The following RELL1 variants were observed in gnomAD, a reference collection of about 807,000 sequenced individuals.
RELL1 encodes RELT-like protein 1.
In RELL1, 10 loss-of-function variants were observed where a neutral mutation model predicts 23.0. The observed-to-expected ratio is 0.43, with a 90% CI of 0.27 to 0.74. The LOEUF (loss-of-function observed/expected upper bound fraction) is 0.74, where lower values mean the gene tolerates loss of function less well. RELL1 is among the 30% of genes least tolerant of loss of function. The pLI, the probability that RELL1 is intolerant of heterozygous loss-of-function variation, is 0.19. For missense variants in RELL1, 315 were observed against 364.4 expected, an observed-to-expected ratio of 0.86 and a Z score of 1.10; for synonymous variants, 146 against 146.8, an observed-to-expected ratio of 0.99 and a Z score of 0.04.
At position 37,591,218 on chromosome 4, in the gene RELL1, C is replaced by G. The variant is rs1417540641; in HGVS notation, c.*4-1G>C. On this transcript the variant is annotated splice_acceptor_variant, in intron 6 of 6. Coordinates refer to the RELL1 transcript ENST00000314117. LOFTEE classifies it low-confidence loss of function (3UTR_SPLICE). ...TGTAGATGAGCTGTCATTCAGGACA[C>G]TAGGAGAAAAATCTGAGTGGGTCAT... 5 of 454,994 alleles carry G rather than the reference C, an allele frequency of 1.1e-5. No homozygotes were observed. The highest frequency in any genetic ancestry group is 1.9e-5 in the Non-Finnish European group (5 of 257,442). 28.2% of individuals were successfully genotyped at this position (454,994 alleles called of 1,614,324 possible).
rs978165271 is a variant in RELL1, at chr4:37,612,636, C to CAAAAAAAAAAAAAAAAAAAA, written c.*709_*710insTTTTTTTTTTTTTTTTTTTT. On this transcript the variant is annotated 3_prime_UTR_variant, in exon 7 of 7. Coordinates refer to ENST00000454158, the MANE Select transcript of RELL1 (RefSeq NM_001085400.2). ...TAGGGGACACAGCGAGACTCTGCCT[C>CAAAAAAAAAAAAAAAAAAAA]AAAAAAAAAAAAAAAAAAACCTTCT... is the stretch of plus-strand genomic sequence containing the variant. Among the ~76,000 whole-genome samples the CAAAAAAAAAAAAAAAAAAAA allele has an allele frequency of 3.3e-5, 2 of 60,176 alleles. No individual in the cohort carries two copies. The highest frequency in any genetic ancestry group is 1.1e-4 in the African/African-American group (2 of 18,014). The allele number at this position is 60,176 out of a possible 152,430, so 39.5% of individuals were successfully genotyped here.
intron 4 of RELL1, 112 bp downstream of exon 4, chr4:37,638,335 A>ATAGT (rs1720405701): frequency 1.3e-6 from 1 of 793,886 alleles, no homozygotes; most frequent in Non-Finnish European, 2.1e-6. Flanking sequence ...CAAAATAACT[A>ATAGT]TAGTGTTAAA....
intron 6 of RELL1, among the ~76,000 whole-genome samples, chr4:37,617,409 A>T (rs1271577002): frequency 6.6e-6 from 1 of 152,238 alleles, no homozygotes; most frequent in African/African-American, 2.4e-5. Flanking sequence ...AAGTCAGCGG[A>T]GGTCAAAAAA....
intron 6 of RELL1, among the ~76,000 whole-genome samples, chr4:37,597,497 A>G (rs531031883): frequency 1.9e-4 from 29 of 152,206 alleles, no homozygotes; most frequent in Non-Finnish European, 3.7e-4. Flanking sequence ...CCATTCTCCA[A>G]AATATTCCTA....
intron 6 of RELL1, among the ~76,000 whole-genome samples, chr4:37,598,068 TATATATCATA>T (rs1718916432): frequency 9.3e-6 from 1 of 107,130 alleles, no homozygotes. Flanking sequence ...ATGTAATATA[TATATATCATA>T]ATATATATAT....
intron 6 of RELL1, among the ~76,000 whole-genome samples, chr4:37,592,065 G>A (rs941946341): frequency 2.6e-5 from 4 of 151,902 alleles, no homozygotes; most frequent in East Asian, 1.9e-4. Context: ...AAAATTATCC[G>A]GGCACGGTGG....
chr4:37,673,766 G>A (rs13150568), intron 1 of RELL1, among the ~76,000 whole-genome samples: 94,508 of 151,846 alleles, frequency 0.62, 32,437 homozygotes, highest in East Asian at 0.79. Flanking sequence ...CTCAGCCTCT[G>A]GGGCTCTTCT....
chr4:37,668,266 G>C (rs986046657), intron 1 of RELL1, among the ~76,000 whole-genome samples: 8 of 138,196 alleles, frequency 5.8e-5, no homozygotes, highest in Non-Finnish European at 7.6e-5. Flanking sequence ...CTGATACCGA[G>C]CCGAAGCTGG....
intron 6 of RELL1, among the ~76,000 whole-genome samples, chr4:37,613,863 A>T (rs755862921): frequency 2.0e-5 from 3 of 152,348 alleles, no homozygotes; most frequent in Non-Finnish European, 4.4e-5. Context: ...TACTTGTAAA[A>T]TAGCTCCCTG....
In RELL1 at chr4:37,594,716, A is replaced by G. The variant is rs137963126; in HGVS notation, c.*4-3499T>C. ...TTACATAGCACATGCCCATCTGTCC[A>G]TGCTCAGTAAGTGCTGGCCATTCGT... On this transcript the variant is annotated intron_variant, in intron 6 of 6. Coordinates refer to the RELL1 transcript ENST00000314117. 2.0e-5 allele frequency among the ~76,000 whole-genome samples: 3 copies of G among 152,334 alleles called. No homozygotes were observed. In the East Asian group the frequency reaches 5.8e-4, roughly 29 times the overall value.
At chr4:37,646,868 T>C (rs1251224148) in intron 3 of RELL1, among the ~76,000 whole-genome samples, 1 of 151,978 alleles carries the variant, frequency 6.6e-6, no homozygotes, top group East Asian at 1.9e-4. Context: ...GCTGGGAACA[T>C]AGGAATGTGC....
chr4:37,656,103 C>A (rs1721107990), intron 1 of RELL1, among the ~76,000 whole-genome samples: 1 of 152,120 alleles, frequency 6.6e-6, no homozygotes, highest in Admixed American at 6.6e-5. Flanking sequence ...TGGAAGCCAC[C>A]AAAATTCCCA....
intron 5 of RELL1, among the ~76,000 whole-genome samples, chr4:37,631,851 G>C (rs1379926260): frequency 6.6e-6 from 1 of 151,984 alleles, no homozygotes; most frequent in Admixed American, 6.6e-5. Flanking sequence ...AGGCTGAGGT[G>C]GGTGGATTGC....
intron 2 of RELL1, 47 bp from the exon 3 acceptor site, chr4:37,647,486 G>T: frequency 7.6e-7 from 1 of 1,311,074 alleles, no homozygotes; most frequent in Non-Finnish European, 1.1e-6. Flanking sequence ...TTGGTCACCA[G>T]CATCAAGTCA....
intron 1 of RELL1, among the ~76,000 whole-genome samples, chr4:37,650,849 A>G (rs918830012): frequency 4.0e-5 from 6 of 151,484 alleles, no homozygotes; most frequent in African/African-American, 9.7e-5. Context: ...ACTTGAGGTC[A>G]GGAGTTCAAG....
At chr4:37,588,923 C>G (rs577504158), downstream of RELL1, 3 of 1,591,142 alleles carry the variant, frequency 1.9e-6, no homozygotes, top group South Asian at 2.2e-5. Flanking sequence ...AATACTACTT[C>G]TAAATGGAGG....
chr4:37,607,988 A>T (rs1431692099), downstream of RELL1, among the ~76,000 whole-genome samples: 1 of 152,136 alleles, frequency 6.6e-6, no homozygotes, highest in Admixed American at 6.5e-5. Context: ...TTATTATTAT[A>T]TCTATTATAG....
At chr4:37,601,365 T>G (rs1038436099) in intron 6 of RELL1, among the ~76,000 whole-genome samples, 2 of 152,228 alleles carry the variant, frequency 1.3e-5, no homozygotes, top group Non-Finnish European at 2.9e-5. Flanking sequence ...GAGTGAGCAC[T>G]GACTGTGCCT....
chr4:37,656,560 G>C (rs1162334339), intron 1 of RELL1, among the ~76,000 whole-genome samples: 1 of 152,198 alleles, frequency 6.6e-6, no homozygotes, highest in Non-Finnish European at 1.5e-5. Flanking sequence ...GTTTGAATAT[G>C]ATCTGTCCCC....
Sources: allele counts gnomAD v4.1 joint callset (sites outside exome capture counted in the v4.1 genomes callset), GRCh38; gene constraint gnomAD v4.1.1; transcripts MANE v1.5; gene names NCBI Gene and HGNC (gene_info 2026-07-23, HGNC 2026-07-21).